PPP2R5C: variants seen among roughly 807,000 people sequenced by gnomAD.
PPP2R5C encodes the protein protein phosphatase 2 regulatory subunit B'gamma, also known as serine/threonine-protein phosphatase 2A 56 kDa regulatory subunit gamma isoform.
In PPP2R5C, 7 loss-of-function variants were observed where a neutral mutation model predicts 68.9. That is an observed-to-expected ratio of 0.10 (90% confidence interval 0.06 to 0.19). The LOEUF is 0.19. Among genes scored for constraint, PPP2R5C ranks in the 10% least tolerant of loss-of-function variants. The pLI is 1.00. For synonymous variants in PPP2R5C, 210 were observed against 222.2 expected, an observed-to-expected ratio of 0.95 and a Z score of 0.49; for missense variants, 348 against 641.3, an observed-to-expected ratio of 0.54 and a Z score of 4.94.
chr14:101,827,678 A>G (rs1176427517), intron 1 of PPP2R5C, among the ~76,000 whole-genome samples: 3 of 152,140 alleles, frequency 2.0e-5, no homozygotes, highest in Admixed American at 6.5e-5. Flanking sequence ...GAAATCCATT[A>G]TTTTCCTAAA....
chr14:101,856,327 A>T (rs556550657), intron 1 of PPP2R5C, among the ~76,000 whole-genome samples: 17 of 152,300 alleles, frequency 1.1e-4, no homozygotes, highest in African/African-American at 3.9e-4. Context: ...CCAGACATGG[A>T]CCTTACTGGT....
intron 1 of PPP2R5C, among the ~76,000 whole-genome samples, chr14:101,856,324 T>C (rs747381086): frequency 1.3e-5 from 2 of 152,218 alleles, no homozygotes; most frequent in Non-Finnish European, 2.9e-5. Context: ...TCCCCAGACA[T>C]GGACCTTACT....
At chr14:101,761,523 A>T (rs1479005636), upstream of PPP2R5C, among the ~76,000 whole-genome samples, 1 of 141,482 alleles carries the variant, frequency 7.1e-6, no homozygotes, top group African/African-American at 2.6e-5. Context: ...GCGTTAGGGT[A>T]CGTGGGGGCG....
At chr14:101,788,597 C>T (rs865949701) in intron 3 of PPP2R5C, among the ~76,000 whole-genome samples, 7 of 152,200 alleles carry the variant, frequency 4.6e-5, no homozygotes, top group Admixed American at 1.3e-4. Context: ...CTTCCACTGA[C>T]GCTTACATTT....
At chr14:101,769,075 C>T (rs1288463155) in intron 2 of PPP2R5C, among the ~76,000 whole-genome samples, 1 of 152,202 alleles carries the variant, frequency 6.6e-6, no homozygotes, top group Admixed American at 6.5e-5. Flanking sequence ...CCACCTGCCT[C>T]GGCCTCCCAA....
chr14:101,895,063 C>T (rs1741134), intron 8 of PPP2R5C, among the ~76,000 whole-genome samples: 47,418 of 152,024 alleles, frequency 0.31, 10,577 homozygotes, highest in African/African-American at 0.64. Flanking sequence ...GTGCGTGGAT[C>T]TGTAATTTTT....
chr14:101,784,788 A>T (rs2038010878), intron 2 of PPP2R5C, among the ~76,000 whole-genome samples: 1 of 152,234 alleles, frequency 6.6e-6, no homozygotes, highest in African/African-American at 2.4e-5. Context: ...CACATTATGT[A>T]AATCATCTTG....
chr14:101,766,569 T>C (rs1409559540), intron 2 of PPP2R5C: 2 of 152,238 alleles, frequency 1.3e-5, no homozygotes, highest in Non-Finnish European at 1.5e-5. Flanking sequence ...TTCTAGAAAC[T>C]TCTACTCCTT....
chr14:101,841,816 G>A (rs1336247016), intron 1 of PPP2R5C, among the ~76,000 whole-genome samples: 1 of 152,222 alleles, frequency 6.6e-6, no homozygotes, highest in Non-Finnish European at 1.5e-5. Context: ...AGGGCCAGGT[G>A]GACAGCCAGG....
intron 1 of PPP2R5C, among the ~76,000 whole-genome samples, chr14:101,815,723 G>A (rs1595239688): frequency 1.3e-5 from 2 of 152,314 alleles, no homozygotes; most frequent in Non-Finnish European, 2.9e-5. Flanking sequence ...AGGCTGGGGT[G>A]CAGTGGCGTG....
intron 1 of PPP2R5C, among the ~76,000 whole-genome samples, chr14:101,839,728 T>C (rs1334413915): frequency 6.6e-6 from 1 of 152,248 alleles, no homozygotes; most frequent in African/African-American, 2.4e-5. Context: ...ATGAGAACCC[T>C]GACTTGATTT....
chr14:101,854,091 G>A (rs2042292456), intron 1 of PPP2R5C, among the ~76,000 whole-genome samples: 2 of 152,194 alleles, frequency 1.3e-5, no homozygotes, highest in South Asian at 4.1e-4. Flanking sequence ...ATATCTGAAT[G>A]TGAAGAGTCC....
intron 1 of PPP2R5C, among the ~76,000 whole-genome samples, chr14:101,810,672 C>T: frequency 6.6e-6 from 1 of 152,156 alleles, no homozygotes; most frequent in East Asian, 1.9e-4. Context: ...TTTAAATAGG[C>T]TCTGTGTTGC....
At chr14:101,890,054 AT>A (rs914588509) in intron 5 of PPP2R5C, 182 bp from the exon 8 acceptor site, 19 of 696,962 alleles carry the variant, frequency 2.7e-5, no homozygotes, top group Non-Finnish European at 4.5e-5. Flanking sequence ...CCCTCGAGGC[AT>A]TTACAGCTGC....
chr14:101,769,558 T>C (rs1414256490), intron 2 of PPP2R5C, among the ~76,000 whole-genome samples: 1 of 152,248 alleles, frequency 6.6e-6, no homozygotes, highest in Non-Finnish European at 1.5e-5. Context: ...ATAAGGGAAC[T>C]CTAATGTAGA....
intron 2 of PPP2R5C, among the ~76,000 whole-genome samples, chr14:101,768,785 C>T (rs1049364645): frequency 1.1e-4 from 17 of 151,910 alleles, no homozygotes; most frequent in African/African-American, 2.4e-5. Context: ...TTTTAGAATG[C>T]TCTACCCCCA....
chr14:101,813,678 GCTGGCCCTTATT>G (rs897957783), intron 1 of PPP2R5C, among the ~76,000 whole-genome samples: 25 of 152,224 alleles, frequency 1.6e-4, no homozygotes, highest in African/African-American at 5.8e-4. Flanking sequence ...GCCTTTTCCA[GCTGGCCCTTATT>G]CTGGGCTTCA....
intron 1 of PPP2R5C, among the ~76,000 whole-genome samples, chr14:101,849,374 G>A (rs1226000493): frequency 1.3e-5 from 2 of 152,172 alleles, no homozygotes; most frequent in Non-Finnish European, 2.9e-5. Context: ...GCTCCTTGAG[G>A]CACTATTTGG....
In PPP2R5C at chr14:101,906,751, G is replaced by T. The variant is rs578225419; in HGVS notation, c.1151+222G>T. 25 of 515,920 alleles carry T rather than the reference G, an allele frequency of 4.8e-5. No individual in the cohort carries two copies. In the East Asian group the frequency reaches 7.3e-4, roughly 15 times the overall value. 32.0% of individuals were successfully genotyped at this position (515,920 alleles called of 1,614,324 possible). ...TTCCTGCCAGTATAGAGGCACATTG[G>T]TTTGCAGCCACCTCCCAGTAGCAGC... is the stretch of plus-strand genomic sequence containing the variant. On this transcript the variant is annotated intron_variant, in intron 10 of 13. Coordinates refer to ENST00000334743, the Ensembl canonical transcript of PPP2R5C. The surrounding 1 kb of genome is among the most constrained non-coding windows in gnomAD (Gnocchi z 4.0).
Sources: allele counts gnomAD v4.1 joint callset (sites outside exome capture counted in the v4.1 genomes callset), GRCh38; gene constraint gnomAD v4.1.1; non-coding constraint Gnocchi (gnomAD v3.1); transcripts MANE v1.5; gene names NCBI Gene and HGNC (gene_info 2026-07-23, HGNC 2026-07-21).